ZNF618: variants seen among roughly 807,000 people sequenced by gnomAD.
The protein encoded by ZNF618 is neural precursor cell expressed, developmentally down-regulated 10.
ZNF618 carries 34 observed loss-of-function variants against 103.0 expected under a neutral mutation model. That is an observed-to-expected ratio of 0.33 (90% CI 0.25 to 0.44). The LOEUF (loss-of-function observed/expected upper bound fraction) is 0.44, where lower values mean the gene tolerates loss of function less well. Ranked by LOEUF, ZNF618 falls within the 20% of genes least tolerant of loss-of-function variation. ZNF618 has a pLI of 1.00. For missense variants in ZNF618, 1,059 were observed against 1,295.4 expected, an observed-to-expected ratio of 0.82 and a Z score of 2.80; for synonymous variants, 551 against 542.2, an observed-to-expected ratio of 1.02 and a Z score of -0.23.
At chr9:113,896,680 T>C (rs1397278600) in intron 1 of ZNF618, among the ~76,000 whole-genome samples, 1 of 152,086 alleles carries the variant, frequency 6.6e-6, no homozygotes, top group Non-Finnish European at 1.5e-5. Context: ...TATTAAGTTT[T>C]TCTAATTATT....
At chr9:114,034,663 T>C (rs886749747) in intron 12 of ZNF618, among the ~76,000 whole-genome samples, 1 of 152,206 alleles carries the variant, frequency 6.6e-6, no homozygotes, top group African/African-American at 2.4e-5. Context: ...ATTCCCCATC[T>C]AGACCATCTG....
At chr9:113,899,125 CT>C (rs1313449138) in intron 1 of ZNF618, among the ~76,000 whole-genome samples, 1 of 152,000 alleles carries the variant, frequency 6.6e-6, no homozygotes. Context: ...ATTTTAAGAC[CT>C]TTTTTCCCTA....
At chr9:113,876,456 G>C in intron 1 of ZNF618, 43 bp downstream of exon 1, 1 of 1,180,438 alleles carries the variant, frequency 8.5e-7, no homozygotes, top group Non-Finnish European at 1.1e-6. Flanking sequence ...GGGGGACCCC[G>C]GGGGGCCGGG....
chr9:114,045,782 G>T (rs938565380), intron 13 of ZNF618, among the ~76,000 whole-genome samples: 1 of 151,788 alleles, frequency 6.6e-6, no homozygotes, highest in Non-Finnish European at 1.5e-5. Flanking sequence ...GATAAGGATT[G>T]TGTTTAATCT....
At chr9:114,035,588 T>A (rs535412890) in intron 12 of ZNF618, among the ~76,000 whole-genome samples, 1 of 151,894 alleles carries the variant, frequency 6.6e-6, no homozygotes, top group Admixed American at 6.5e-5. Context: ...CCCACCCCTC[T>A]TTCTTTTTCC....
intron 13 of ZNF618, among the ~76,000 whole-genome samples, chr9:114,045,540 C>G (rs1272721000): frequency 1.3e-5 from 2 of 151,932 alleles, no homozygotes; most frequent in Admixed American, 6.5e-5. Flanking sequence ...AATGTAGGTG[C>G]TTATTTCTAT....
At chr9:114,022,704 T>C (rs549694968) in intron 10 of ZNF618, among the ~76,000 whole-genome samples, 3 of 151,796 alleles carry the variant, frequency 2.0e-5, no homozygotes, top group Non-Finnish European at 4.4e-5. Context: ...CTTTTTTAAT[T>C]AGTTTGTCTT....
At chr9:113,886,221 G>C (rs899003828) in intron 1 of ZNF618, among the ~76,000 whole-genome samples, 1 of 152,188 alleles carries the variant, frequency 6.6e-6, no homozygotes, top group Non-Finnish European at 1.5e-5. Flanking sequence ...ATGTGTTACT[G>C]TCCAAGACAG....
At chr9:113,929,508 T>C (rs1290354364) in intron 1 of ZNF618, among the ~76,000 whole-genome samples, 1 of 152,226 alleles carries the variant, frequency 6.6e-6, no homozygotes, top group Non-Finnish European at 1.5e-5. Flanking sequence ...CTGGTAGGTG[T>C]TGATGTTCTC....
In ZNF618 at chr9:114,050,059, A is replaced by C; in HGVS notation, c.2757A>C (p.Arg919Ser). ...TGGCGGTTCCGGCCGTGGGCGCCAG[A>C]AGCGGGTGTGTAAATATGTGTGAAC... ...WLLAVPAVGA[R>S]SGCVNMCEQA... Residue 919 changes from arginine (R) to serine (S), a missense_variant, in exon 15 of 15, where the codon AGA (arginine) becomes AGC (serine). This residue lies in a region of ZNF618 where 156 missense variants were observed against 197.1 expected (regional missense o/e 0.79). Transcript: ENST00000374126. The C allele has an allele frequency of 6.2e-7, 1 of 1,613,732 alleles. No individual in the cohort carries two copies. The highest frequency in any genetic ancestry group is 8.5e-7 in the Non-Finnish European group (1 of 1,179,904).
At chr9:114,008,698 T>G in intron 9 of ZNF618, 144 bp downstream of exon 9, 1 of 969,302 alleles carries the variant, frequency 1.0e-6, no homozygotes, top group Non-Finnish European at 1.6e-6. Context: ...GTTGGGCCAG[T>G]CAGTGTTAGG....
chr9:113,988,305 G>C lies in ZNF618; in HGVS notation c.78-16G>C, dbSNP rs2133295546. 1 of 1,606,466 alleles carries C rather than the reference G, an allele frequency of 6.2e-7. No homozygotes were observed. The highest frequency in any genetic ancestry group is 2.2e-5 in the East Asian group (1 of 44,786). On this transcript the variant is annotated splice_polypyrimidine_tract_variant and intron_variant, in intron 2 of 14. Transcript: ENST00000374126. ...CTGGAGGAAGAAGGTATTGAACGGA[G>C]TTTCTTCTTTCCCAGGGAGCGCTTG...
chr9:113,892,958 A>G (rs7861276), intron 1 of ZNF618, among the ~76,000 whole-genome samples: 32,176 of 152,244 alleles, frequency 0.21, 3,582 homozygotes, highest in Non-Finnish European at 0.25. Flanking sequence ...ACAGATGTAC[A>G]GGTATCACAC....
chr9:114,047,178 A>G (rs568139199), intron 13 of ZNF618, among the ~76,000 whole-genome samples: 1 of 152,342 alleles, frequency 6.6e-6, no homozygotes, highest in East Asian at 1.9e-4. Flanking sequence ...CCAATTACTT[A>G]TAACTGGATA....
At chr9:113,883,630 G>T (rs1828734702) in intron 1 of ZNF618, among the ~76,000 whole-genome samples, 1 of 152,132 alleles carries the variant, frequency 6.6e-6, no homozygotes, top group Admixed American at 6.5e-5. Flanking sequence ...AGAACCTTCT[G>T]TTTCTTGGCT....
At chr9:113,927,414 A>G (rs1205577572) in intron 1 of ZNF618, among the ~76,000 whole-genome samples, 2 of 152,146 alleles carry the variant, frequency 1.3e-5, no homozygotes, top group Non-Finnish European at 2.9e-5. Flanking sequence ...CAATCCTTGT[A>G]GTTCTTTCAG....
At chr9:113,978,197 A>G (rs1473667560) in intron 2 of ZNF618, among the ~76,000 whole-genome samples, 1 of 152,226 alleles carries the variant, frequency 6.6e-6, no homozygotes, top group Non-Finnish European at 1.5e-5. Flanking sequence ...TGATGTGAGG[A>G]TTTGAAACTT....
intron 1 of ZNF618, 117 bp downstream of exon 1, chr9:113,876,530 C>A: frequency 8.3e-6 from 7 of 847,318 alleles, no homozygotes; most frequent in Non-Finnish European, 1.0e-5. Flanking sequence ...GGCACGTTTG[C>A]GGGCTTTTTG....
intron 10 of ZNF618, among the ~76,000 whole-genome samples, chr9:114,021,681 A>G (rs1453397142): frequency 1.3e-5 from 2 of 152,138 alleles, no homozygotes; most frequent in African/African-American, 4.8e-5. Flanking sequence ...AATCTAATTA[A>G]CATACCCATC....
Sources: allele counts gnomAD v4.1 joint callset (sites outside exome capture counted in the v4.1 genomes callset), GRCh38; gene constraint gnomAD v4.1.1; regional missense constraint gnomAD v4.1.1; transcripts MANE v1.5; gene names NCBI Gene and HGNC (gene_info 2026-07-23, HGNC 2026-07-21).